FSTL4: variants seen among roughly 807,000 people sequenced by gnomAD.
FSTL4 encodes follistatin-related protein 4.
Under a neutral mutation model 78.2 loss-of-function variants are expected in FSTL4, and 28 were observed. The observed-to-expected ratio is 0.36, with a 90% CI of 0.27 to 0.49. The LOEUF (loss-of-function observed/expected upper bound fraction) is 0.49, where lower values mean the gene tolerates loss of function less well. Ranked by LOEUF, FSTL4 falls within the 20% of genes least tolerant of loss-of-function variation. The pLI is 0.98. For synonymous variants in FSTL4, 422 were observed against 440.5 expected (o/e 0.96, Z 0.53); for missense variants, 922 against 1,084.9 (o/e 0.85, Z 2.11).
At position 133,476,051 on chromosome 5, in the gene FSTL4, G is replaced by A. The variant is rs148576494; in HGVS notation, c.161-75065C>T. ...GCAAAGTTCAGGAAAGGAGGAGGAC[G>A]AGAGAAAAGGAAAGTAGCAGAGGCA... On this transcript the variant is annotated intron_variant, in intron 3 of 15. Transcript: ENST00000265342. 6.6e-4 allele frequency among the ~76,000 whole-genome samples: 100 copies of A among 152,264 alleles called. 1 individual carries two copies. The highest frequency in any genetic ancestry group is 2.3e-3 in the African/African-American group (97 of 41,550).
chr5:133,618,031 G>A, the FSTL4 span, among the ~76,000 whole-genome samples: 1 of 152,164 alleles, frequency 6.6e-6, no homozygotes, highest in African/African-American at 2.4e-5. Context: ...CGTTATCCAC[G>A]GGGATATGTT....
the FSTL4 span, among the ~76,000 whole-genome samples, chr5:133,799,119 C>A: frequency 1.5e-5 from 2 of 136,532 alleles, no homozygotes; most frequent in African/African-American, 5.4e-5. Flanking sequence ...AGCCAGCCAC[C>A]CCTGACTGGC....
chr5:133,494,990 A>T (rs1758341595), intron 3 of FSTL4, among the ~76,000 whole-genome samples: 1 of 152,248 alleles, frequency 6.6e-6, no homozygotes, highest in African/African-American at 2.4e-5. Flanking sequence ...AACTGTCTCC[A>T]TTCTGAGGCA....
the FSTL4 span, among the ~76,000 whole-genome samples, chr5:133,771,292 C>T: frequency 1.8e-4 from 28 of 152,104 alleles, no homozygotes; most frequent in African/African-American, 6.5e-4. Flanking sequence ...TGCATTGAGT[C>T]GGTGGATTGC....
the FSTL4 span, among the ~76,000 whole-genome samples, chr5:133,630,307 T>C: frequency 6.6e-6 from 1 of 152,258 alleles, no homozygotes; most frequent in Non-Finnish European, 1.5e-5. Context: ...AGTCTCAGGA[T>C]ACAAAATCAA....
At chr5:133,755,773 G>C in the FSTL4 span, among the ~76,000 whole-genome samples, 1 of 152,202 alleles carries the variant, frequency 6.6e-6, no homozygotes, top group Admixed American at 6.5e-5. Flanking sequence ...ACTCCAAGGG[G>C]AGCACCTGGC....
chr5:133,703,444 A>G, the FSTL4 span, among the ~76,000 whole-genome samples: 1 of 152,162 alleles, frequency 6.6e-6, no homozygotes, highest in Non-Finnish European at 1.5e-5. Context: ...CCCAGATTAG[A>G]CACCAGGACT....
chr5:133,814,307 G>A, the FSTL4 span, among the ~76,000 whole-genome samples: 2 of 152,200 alleles, frequency 1.3e-5, no homozygotes, highest in Non-Finnish European at 2.9e-5. Flanking sequence ...CGGAAGCCAC[G>A]TGGAATGTGA....
At chr5:133,268,790 A>G (rs1407125769) in intron 6 of FSTL4, among the ~76,000 whole-genome samples, 3 of 152,186 alleles carry the variant, frequency 2.0e-5, no homozygotes, top group African/African-American at 7.2e-5. Flanking sequence ...GTGACCAACG[A>G]CGCCAATTGC....
chr5:133,543,670 G>A (rs1349083525), intron 3 of FSTL4, among the ~76,000 whole-genome samples: 1 of 151,364 alleles, frequency 6.6e-6, no homozygotes, highest in Non-Finnish European at 1.5e-5. Context: ...CTTTATCCTT[G>A]TATTTTAGAT....
At chr5:133,276,221 G>A (rs1446254225) in intron 6 of FSTL4, among the ~76,000 whole-genome samples, 1 of 152,226 alleles carries the variant, frequency 6.6e-6, no homozygotes, top group Non-Finnish European at 1.5e-5. Flanking sequence ...CATAGAGGGT[G>A]CTCACAACCC....
intron 2 of FSTL4, among the ~76,000 whole-genome samples, chr5:133,576,289 C>T (rs1580799791): frequency 6.6e-6 from 1 of 152,114 alleles, no homozygotes; most frequent in South Asian, 2.1e-4. Flanking sequence ...ATGGTGAGGC[C>T]CTGCCCCAGA....
In FSTL4 at chr5:133,197,695, C is replaced by G. The variant is rs1281166574; in HGVS notation, c.*1400G>C. On this transcript the variant is annotated 3_prime_UTR_variant, in exon 16 of 16. Transcript: ENST00000265342. Reference sequence around the variant, plus strand: ...GCAAAGACGTCTGTGGTGAGACCACCTCTCCCAACCCGTGTGGCTTGCAAA... The same window carrying G: ...GCAAAGACGTCTGTGGTGAGACCACGTCTCCCAACCCGTGTGGCTTGCAAA... The G allele has an allele frequency of 6.6e-6, 1 of 152,334 alleles. No individual in the cohort carries two copies. Among genetic ancestry groups the G allele is most frequent in the Non-Finnish European group, 1.5e-5 (1 of 68,036 alleles). The allele number at this position is 152,334 out of a possible 1,614,324, so 9.4% of individuals were successfully genotyped here.
At position 133,533,138 on chromosome 5, in the gene FSTL4, A is replaced by C. The variant is rs535224407; in HGVS notation, c.160+34048T>G. Among the ~76,000 whole-genome samples, 13 of 152,328 alleles carry C rather than the reference A, an allele frequency of 8.5e-5. No homozygotes were observed. In the South Asian group the frequency reaches 2.7e-3, roughly 32 times the overall value. The stretch of plus-strand genomic sequence containing the variant: ...ACCAAAAATAATCCTCATGGTCATG[A>C]TGTAGCTTTCACAATCTACATGATG... On this transcript the variant is annotated intron_variant, in intron 3 of 15. Coordinates refer to ENST00000265342, the MANE Select transcript of FSTL4 (RefSeq NM_015082.2).
chr5:133,555,368 A>T (rs1209657236), intron 3 of FSTL4, among the ~76,000 whole-genome samples: 1 of 152,244 alleles, frequency 6.6e-6, no homozygotes, highest in Non-Finnish European at 1.5e-5. Flanking sequence ...GGAGTAATAC[A>T]GAACTGGACG....
At chr5:133,634,337 A>G in the FSTL4 span, among the ~76,000 whole-genome samples, 1 of 151,416 alleles carries the variant, frequency 6.6e-6, no homozygotes, top group South Asian at 2.1e-4. Flanking sequence ...CTGTCTTGCT[A>G]GGCTGCCTCT....
intron 11 of FSTL4, among the ~76,000 whole-genome samples, chr5:133,222,892 C>A (rs370061730): frequency 7.2e-5 from 11 of 152,188 alleles, no homozygotes; most frequent in African/African-American, 2.7e-4. Context: ...TATCTCCAGA[C>A]CTTGAGTTTC....
rs1200349994 is a variant in FSTL4, at chr5:133,236,667, G to A, written c.895-3130C>T. On this transcript the variant is annotated intron_variant, in intron 7 of 15. Coordinates refer to ENST00000265342, the MANE Select transcript of FSTL4 (RefSeq NM_015082.2). This position sits in a 1 kb window ranked among gnomAD's most constrained non-coding sequence, Gnocchi z 5.0. Reference sequence around the variant, plus strand: ...ATACTCAGAGCCTTGTTTGCTGGGGGCCAGCCCCTCTCAGACCCTACTGCC... The same window carrying A: ...ATACTCAGAGCCTTGTTTGCTGGGGACCAGCCCCTCTCAGACCCTACTGCC... Among the ~76,000 whole-genome samples, 1 of 152,196 alleles carries A rather than the reference G, an allele frequency of 6.6e-6. No individual in the cohort carries two copies. The highest frequency in any genetic ancestry group is 1.5e-5 in the Non-Finnish European group (1 of 68,044).
At chr5:133,432,315 G>A (rs6867798) in intron 3 of FSTL4, among the ~76,000 whole-genome samples, 101,654 of 152,128 alleles carry the variant, frequency 0.67, 34,985 homozygotes, top group African/African-American at 0.85. Flanking sequence ...ATTAGCTAAT[G>A]GAGAGAAATT....
Sources: gnomAD v4.1 joint callset for allele counts (sites outside exome capture counted in the v4.1 genomes callset) on GRCh38, gnomAD v4.1.1 for gene constraint, Gnocchi (gnomAD v3.1) non-coding constraint, MANE v1.5 for transcripts, NCBI Gene and HGNC (gene_info 2026-07-23, HGNC 2026-07-21) for gene names.